FOXP1: variants seen among roughly 807,000 people sequenced by gnomAD.
FOXP1 encodes the protein forkhead box protein P1.
In FOXP1, 15 loss-of-function variants were observed where a neutral mutation model predicts 98.2. The observed-to-expected ratio is 0.15, with a 90% CI of 0.10 to 0.24. FOXP1 has a LOEUF of 0.24. FOXP1 is among the 10% of genes least tolerant of loss of function. FOXP1 has a pLI of 1.00. For synonymous variants in FOXP1, 371 were observed against 314.5 expected (o/e 1.18, Z -1.90); for missense variants, 633 against 848.5 (o/e 0.75, Z 3.15).
intron 3 of FOXP1, among the ~76,000 whole-genome samples, chr3:71,359,821 C>G (rs116175755): frequency 0.016 from 2,496 of 152,256 alleles, 52 homozygotes; most frequent in African/African-American, 0.034. Context: ...ACACAGTCTT[C>G]TTCTATCTCC....
intron 18 of FOXP1, chr3:70,972,008 T>A: frequency 1.4e-6 from 2 of 1,425,240 alleles, no homozygotes; most frequent in Non-Finnish European, 1.8e-6. Flanking sequence ...TAAAGGCTCT[T>A]ACTGTGCGAC....
At chr3:71,496,402 G>A (rs2091409862) in intron 2 of FOXP1, among the ~76,000 whole-genome samples, 1 of 152,216 alleles carries the variant, frequency 6.6e-6, no homozygotes, top group Admixed American at 6.5e-5. Context: ...GGGGTGAGGA[G>A]TAGGCAAGTC....
At chr3:71,357,919 A>G (rs992899613) in intron 4 of FOXP1, among the ~76,000 whole-genome samples, 3 of 152,254 alleles carry the variant, frequency 2.0e-5, no homozygotes, top group Non-Finnish European at 4.4e-5. Flanking sequence ...ACATGAAAAC[A>G]TATCTAAAGA....
At chr3:71,331,455 T>A (rs2076301738) in intron 4 of FOXP1, among the ~76,000 whole-genome samples, 1 of 138,240 alleles carries the variant, frequency 7.2e-6, no homozygotes, top group Admixed American at 7.1e-5. Flanking sequence ...CCCAGTCCCA[T>A]CGACCGCCCA....
intron 3 of FOXP1, among the ~76,000 whole-genome samples, chr3:71,459,470 C>T (rs1056794748): frequency 6.6e-6 from 1 of 152,168 alleles, no homozygotes; most frequent in Non-Finnish European, 1.5e-5. Flanking sequence ...TACAGGGGAA[C>T]AGATGATGGA....
At chr3:71,402,590 C>T (rs1293617184) in intron 3 of FOXP1, among the ~76,000 whole-genome samples, 1 of 152,076 alleles carries the variant, frequency 6.6e-6, no homozygotes, top group African/African-American at 2.4e-5. Flanking sequence ...TTTTCAAAAT[C>T]GTGCCTGAAT....
At position 70,984,339 on chromosome 3, in the gene FOXP1, G is replaced by A. The variant is rs188409522; in HGVS notation, c.1146+3655C>T. The stretch of plus-strand genomic sequence containing the variant: ...CTTAACCTAAGGAAAGGTTCACAAG[G>A]CTGACCTCTTACCATTTCTTCCTGC... On this transcript the variant is annotated intron_variant, in intron 14 of 20. Transcript: ENST00000649528. 4.6e-5 allele frequency among the ~76,000 whole-genome samples: 7 copies of A among 152,298 alleles called. No individual in the cohort carries two copies. In the East Asian group the frequency reaches 1.4e-3, roughly 29 times the overall value.
intron 5 of FOXP1, among the ~76,000 whole-genome samples, chr3:71,225,513 A>T (rs1443618193): frequency 1.1e-5 from 1 of 93,540 alleles, no homozygotes; most frequent in Non-Finnish European, 2.0e-5. Flanking sequence ...AATTATGACG[A>T]GGAAGGAAAA....
chr3:71,413,133 C>T (rs1448665578), intron 3 of FOXP1, among the ~76,000 whole-genome samples: 1 of 141,866 alleles, frequency 7.0e-6, no homozygotes, highest in Admixed American at 6.8e-5. Context: ...CACACACGCA[C>T]CCCCAAACAG....
intron 5 of FOXP1, among the ~76,000 whole-genome samples, chr3:71,216,472 G>C (rs2047171294): frequency 6.6e-6 from 1 of 152,112 alleles, no homozygotes; most frequent in African/African-American, 2.4e-5. Context: ...CTGGGAAGCT[G>C]GGGCAGCTGC....
chr3:71,176,643 G>A (rs1379479706), intron 6 of FOXP1, among the ~76,000 whole-genome samples: 3 of 151,260 alleles, frequency 2.0e-5, no homozygotes, highest in Admixed American at 1.3e-4. Flanking sequence ...TGAGAGGCTC[G>A]GGTGGGAGGA....
chr3:70,970,920 G>A lies in FOXP1; in HGVS notation c.1653-115C>T, dbSNP rs1575742408. 17 of 796,630 alleles carry A rather than the reference G, an allele frequency of 2.1e-5. No homozygotes were observed. In the East Asian group the frequency reaches 4.3e-4, roughly 20 times the overall value. 49.3% of individuals were successfully genotyped at this position (796,630 alleles called of 1,614,324 possible). On this transcript the variant is annotated intron_variant, in intron 18 of 20. Transcript: ENST00000649528. ...TCCAAATGAGCAATTTCCCCCACTA[G>A]CAAAACCCAAGAAAAGTCAGGCTTT...
At chr3:71,028,808 CCA>C (rs1466949658) in intron 11 of FOXP1, among the ~76,000 whole-genome samples, 1 of 152,068 alleles carries the variant, frequency 6.6e-6, no homozygotes, top group Non-Finnish European at 1.5e-5. Context: ...ATAGACAGTC[CCA>C]TGTGGGGGTA....
intron 4 of FOXP1, among the ~76,000 whole-genome samples, chr3:71,348,538 T>G (rs201128994): frequency 2.8e-5 from 2 of 72,386 alleles, no homozygotes; most frequent in Admixed American, 1.9e-4. Flanking sequence ...TGTGTGTGTG[T>G]GTGTGTGTGT....
intron 5 of FOXP1, among the ~76,000 whole-genome samples, chr3:71,272,735 T>A (rs2070495285): frequency 1.3e-5 from 2 of 151,314 alleles, no homozygotes; most frequent in Non-Finnish European, 3.0e-5. Flanking sequence ...TGTTCCTAAC[T>A]AACTGGGAGA....
intron 2 of FOXP1, among the ~76,000 whole-genome samples, chr3:71,527,697 C>T (rs1428813287): frequency 2.0e-5 from 3 of 151,984 alleles, no homozygotes; most frequent in African/African-American, 4.8e-5. Context: ...GTGTTTCCCC[C>T]GACAATCTGT....
chr3:71,495,293 GT>G (rs1452441341), intron 2 of FOXP1, among the ~76,000 whole-genome samples: 1 of 152,184 alleles, frequency 6.6e-6, no homozygotes, highest in Admixed American at 6.5e-5. Context: ...CTTAAGTTAG[GT>G]TCCAAGTTAG....
chr3:71,084,812 C>T (rs924237441), intron 7 of FOXP1, among the ~76,000 whole-genome samples: 2 of 152,098 alleles, frequency 1.3e-5, no homozygotes, highest in Admixed American at 6.6e-5. Flanking sequence ...GTGGGGGAAT[C>T]GCTGGAGCCC....
chr3:70,979,857 C>A (rs993762934), intron 14 of FOXP1, among the ~76,000 whole-genome samples: 1 of 150,086 alleles, frequency 6.7e-6, no homozygotes, highest in Non-Finnish European at 1.5e-5. Context: ...AAGCAATGAA[C>A]CTGAAGAAAA....
Sources: allele counts gnomAD v4.1 joint callset (sites outside exome capture counted in the v4.1 genomes callset), GRCh38; gene constraint gnomAD v4.1.1; transcripts MANE v1.5; gene names NCBI Gene and HGNC (gene_info 2026-07-23, HGNC 2026-07-21).